The following COLGALT2 variants were observed in gnomAD, a reference collection of about 807,000 sequenced individuals.
COLGALT2 encodes procollagen galactosyltransferase 2.
A neutral mutation model predicts 73.4 loss-of-function variants in COLGALT2; 49 were observed. The observed-to-expected ratio is 0.67, with a 90% CI of 0.53 to 0.85. The LOEUF (loss-of-function observed/expected upper bound fraction) is 0.85, where lower values mean the gene tolerates loss of function less well. Ranked by LOEUF, COLGALT2 falls within the 40% of genes least tolerant of loss-of-function variation. The probability of loss-of-function intolerance (pLI) is 0.00; values close to 1 mark genes in which losing one functional copy is unlikely to be tolerated. For synonymous variants in COLGALT2, 295 were observed against 307.6 expected (o/e 0.96, Z 0.43); for missense variants, 722 against 790.2 (o/e 0.91, Z 1.03).
chr1:183,944,693 G>C (rs1189972454), intron 9 of COLGALT2, among the ~76,000 whole-genome samples: 1 of 152,010 alleles, frequency 6.6e-6, no homozygotes, highest in African/African-American at 2.4e-5. Flanking sequence ...GGGGTGGGGG[G>C]GTGCTTGTGG....
chr1:184,037,145 G>A lies in COLGALT2; in HGVS notation c.213C>T (p.Phe71=), dbSNP rs1220807885. 6.2e-7 allele frequency: 1 copy of A among 1,600,046 alleles called. No homozygotes were observed. The highest frequency in any genetic ancestry group is 8.5e-7 in the Non-Finnish European group (1 of 1,174,992). Residue 71 remains phenylalanine, a synonymous_variant, in exon 1 of 12, where the codon TTC becomes TTT. Transcript: ENST00000361927. ...ARNAAHTLPH[F]LGCLERLDYP... Reference sequence around the variant, plus strand: ...AGTCCAGCCGCTCCAGGCAGCCGAGGAAGTGCGGCAGCGTGTGCGCCGCGT... The same window carrying A: ...AGTCCAGCCGCTCCAGGCAGCCGAGAAAGTGCGGCAGCGTGTGCGCCGCGT...
chr1:183,982,278 G>A (rs1008792247), intron 1 of COLGALT2, among the ~76,000 whole-genome samples: 4 of 152,110 alleles, frequency 2.6e-5, no homozygotes, highest in East Asian at 1.9e-4. Context: ...CACAGAGGTG[G>A]GAAAGTGGTC....
chr1:184,024,876 C>A (rs954148054), intron 1 of COLGALT2, among the ~76,000 whole-genome samples: 1 of 152,126 alleles, frequency 6.6e-6, no homozygotes, highest in Non-Finnish European at 1.5e-5. Context: ...TGATAAGATG[C>A]ATGGGAAAAT....
At chr1:183,949,360 G>A (rs1386318240) in intron 8 of COLGALT2, among the ~76,000 whole-genome samples, 1 of 152,202 alleles carries the variant, frequency 6.6e-6, no homozygotes, top group Admixed American at 6.5e-5. Context: ...AGACGGTATA[G>A]TACTGGCATA....
intron 1 of COLGALT2, among the ~76,000 whole-genome samples, chr1:184,019,462 T>C (rs1164388416): frequency 6.6e-6 from 1 of 152,226 alleles, no homozygotes; most frequent in Non-Finnish European, 1.5e-5. Context: ...AAGTTCTCTG[T>C]TATGTTAACT....
At position 184,031,817 on chromosome 1, in the gene COLGALT2, A is replaced by ATCCTTCCTTCCTTCCTTCCTTCCT. The variant is rs57492822; in HGVS notation, c.263+5254_263+5277dup. The stretch of plus-strand genomic sequence containing the variant: ...TCTAGAACAGTGCCTCCATGAATGT[A>ATCCTTCCTTCCTTCCTTCCTTCCT]TCCTTCCTTCCTTCCTTCCTTCCTT... On this transcript the variant is annotated intron_variant, in intron 1 of 11. Transcript: ENST00000361927. 1.1e-3 allele frequency among the ~76,000 whole-genome samples: 157 copies of ATCCTTCCTTCCTTCCTTCCTTCCT among 139,298 alleles called. 2 individuals carry two copies. Among genetic ancestry groups the ATCCTTCCTTCCTTCCTTCCTTCCT allele is most frequent in the Non-Finnish European group, 1.7e-3 (110 of 63,588 alleles). The allele number at this position is 139,298 out of a possible 152,430, so 91.4% of individuals were successfully genotyped here. A position where few individuals can be genotyped will look rare whatever the true frequency, so the allele number is the denominator to read the frequency against.
chr1:183,944,314 G>A lies in COLGALT2; in HGVS notation c.1279C>T (p.Arg427Ter), dbSNP rs767171170. 4 of 1,611,908 alleles carry A rather than the reference G, an allele frequency of 2.5e-6. No homozygotes were observed. The highest frequency in any genetic ancestry group is 1.3e-5 in the African/African-American group (1 of 74,794). The change falls in exon 10 of 12, where the codon CGA (arginine) becomes TGA (stop). Residue 427 changes from arginine to a stop codon, truncating the protein, a stop_gained. Transcript: ENST00000361927. LOFTEE classifies it high-confidence loss of function. ...ATTACAAGAGTCTTCTCTAGCTCTC[G>A]ATCAATTACCTGCAAAAGTCATCAG... ...HYSVWKEVID[R>*]ELEKTLVIED...
intron 1 of COLGALT2, among the ~76,000 whole-genome samples, chr1:184,005,689 T>C (rs1247983696): frequency 3.3e-5 from 5 of 152,164 alleles, no homozygotes; most frequent in African/African-American, 1.2e-4. Context: ...GTCATATCTC[T>C]GCAGAGCTGG....
chr1:184,012,136 C>G (rs190348747), intron 1 of COLGALT2, among the ~76,000 whole-genome samples: 106 of 152,328 alleles, frequency 7.0e-4, no homozygotes, highest in Non-Finnish European at 1.8e-4. Context: ...TCTAGACCAT[C>G]ATGGTCCACA....
intron 1 of COLGALT2, among the ~76,000 whole-genome samples, chr1:183,989,179 G>GTA (rs1257479815): frequency 2.6e-5 from 4 of 152,200 alleles, no homozygotes; most frequent in African/African-American, 9.7e-5. Context: ...TATCTTGGTT[G>GTA]TACATGAGAT....
In COLGALT2 at chr1:183,936,049, CAG is replaced by C; in HGVS notation, c.*2710_*2711del. 3 of 985,488 alleles carry C rather than the reference CAG, an allele frequency of 3.0e-6. No homozygotes were observed. The highest frequency in any genetic ancestry group is 3.6e-6 in the Non-Finnish European group (3 of 829,964). The allele number at this position is 985,488 out of a possible 1,614,324, so 61.0% of individuals were successfully genotyped here. ...AAAGTGCAGGTGTTCAGTCCACACACAGCAGCACCAGCACTGCTGATGTCACG... is the reference window on the plus strand; with the variant it reads ...AAAGTGCAGGTGTTCAGTCCACACACCAGCACCAGCACTGCTGATGTCACG... On this transcript the variant is annotated 3_prime_UTR_variant, in exon 12 of 12. Transcript: ENST00000361927.
intron 1 of COLGALT2, among the ~76,000 whole-genome samples, chr1:184,001,317 C>CCCT (rs1220299247): frequency 6.6e-6 from 1 of 151,948 alleles, no homozygotes; most frequent in Non-Finnish European, 1.5e-5. Context: ...TTGTGGCTTT[C>CCCT]TTTTTATTTA....
chr1:184,029,500 C>A (rs541677054), intron 1 of COLGALT2, among the ~76,000 whole-genome samples: 1 of 152,296 alleles, frequency 6.6e-6, no homozygotes, highest in South Asian at 2.1e-4. Context: ...CAAGTGCACA[C>A]AGTGTGGGTC....
intron 5 of COLGALT2, among the ~76,000 whole-genome samples, chr1:183,968,481 A>G (rs1047267244): frequency 2.6e-5 from 4 of 152,208 alleles, no homozygotes; most frequent in African/African-American, 7.2e-5. Context: ...CTCCTTCCAC[A>G]GGGACTGAGG....
At chr1:183,945,272 C>CTGGTCT (rs889753803) in intron 9 of COLGALT2, among the ~76,000 whole-genome samples, 160 bp downstream of exon 9, 23 of 152,228 alleles carry the variant, frequency 1.5e-4, no homozygotes, top group Admixed American at 1.4e-3. Flanking sequence ...CCCTTTGTTG[C>CTGGTCT]TGGTCTTGGG....
At chr1:183,980,802 G>A (rs1671329529) in intron 1 of COLGALT2, among the ~76,000 whole-genome samples, 1 of 151,918 alleles carries the variant, frequency 6.6e-6, no homozygotes, top group South Asian at 2.1e-4. Flanking sequence ...TGCACATGCT[G>A]CAAAAATCTT....
At position 183,938,788 on chromosome 1, in the gene COLGALT2, G is replaced by A. The variant is rs112775003; in HGVS notation, c.1854C>T (p.Asp618=). ...TEALPPPTSL[D]TVPSRDEL ...ATAGCTCATCCCTTGAAGGCACAGT[G>A]TCCAGGGAGGTTGGCGGTGGCAGGG... The change falls in exon 12 of 12, where the codon GAC becomes GAT. Residue 618 remains aspartate (D), a synonymous_variant. Coordinates refer to ENST00000361927, the MANE Select transcript of COLGALT2 (RefSeq NM_015101.4). 8 of 1,614,180 alleles carry A rather than the reference G, an allele frequency of 5.0e-6. No individual in the cohort carries two copies. The African/African-American group carries it at 9.3e-5, about 19-fold the overall frequency.
intron 1 of COLGALT2, among the ~76,000 whole-genome samples, chr1:184,014,123 T>A (rs1402337631): frequency 6.6e-6 from 1 of 151,476 alleles, no homozygotes; most frequent in Non-Finnish European, 1.5e-5. Flanking sequence ...GAGTTGGGAG[T>A]CATAGGCATA....
At chr1:183,933,232 C>G (rs1487436686), downstream of COLGALT2, among the ~76,000 whole-genome samples, 4 of 152,200 alleles carry the variant, frequency 2.6e-5, no homozygotes, top group African/African-American at 9.7e-5. Context: ...GCATCACTGT[C>G]TCCAGCGATG....
Sources: gnomAD v4.1 joint callset for allele counts (sites outside exome capture counted in the v4.1 genomes callset) on GRCh38, gnomAD v4.1.1 for gene constraint, MANE v1.5 for transcripts, NCBI Gene and HGNC (gene_info 2026-07-23, HGNC 2026-07-21) for gene names.